RNF38: variants seen among roughly 807,000 people sequenced by gnomAD.
The protein encoded by RNF38 is E3 ubiquitin-protein ligase RNF38.
Under a neutral mutation model 67.2 loss-of-function variants are expected in RNF38, and 15 were observed. The ratio of observed to expected loss-of-function variants is 0.22; its 90% CI spans 0.15 to 0.34. The LOEUF (loss-of-function observed/expected upper bound fraction) is 0.34. RNF38 is among the 10% of genes least tolerant of loss of function. The pLI is 1.00. For missense variants in RNF38, 524 were observed against 639.9 expected (o/e 0.82, Z 1.95); for synonymous variants, 220 against 218.8 (o/e 1.01, Z -0.05).
intron 1 of RNF38, among the ~76,000 whole-genome samples, chr9:36,396,411 A>AT (rs147218116): frequency 2.5e-4 from 37 of 148,368 alleles, no homozygotes; most frequent in Admixed American, 4.0e-4. Context: ...CCTTGCTAGG[A>AT]TTTTTTTTTT....
intron 4 of RNF38, among the ~76,000 whole-genome samples, chr9:36,369,355 G>T (rs1835204209): frequency 6.6e-6 from 1 of 151,876 alleles, no homozygotes; most frequent in Admixed American, 6.6e-5. Context: ...GCATCAACTG[G>T]GATCATAAAC....
chr9:36,444,473 A>G (rs1839258535), intron 1 of RNF38, among the ~76,000 whole-genome samples: 1 of 152,204 alleles, frequency 6.6e-6, no homozygotes, highest in African/African-American at 2.4e-5. Context: ...AGCTGAAGAA[A>G]AATAAGAGTG....
chr9:36,390,792 C>A (rs1837021966), intron 1 of RNF38, among the ~76,000 whole-genome samples, 176 bp from the exon 2 acceptor site: 1 of 152,298 alleles, frequency 6.6e-6, no homozygotes, highest in South Asian at 2.1e-4. Context: ...AAGGTTGCCT[C>A]TGGCAATGGA....
intron 3 of RNF38, among the ~76,000 whole-genome samples, chr9:36,375,610 A>ATAT (rs1216788391): frequency 6.6e-6 from 1 of 152,254 alleles, no homozygotes; most frequent in East Asian, 1.9e-4. Context: ...ATATCCTTAC[A>ATAT]GTTATGAACT....
At position 36,423,745 on chromosome 9, in the gene RNF38, C is replaced by G. The variant is rs1473605357; in HGVS notation, n.312+868G>C. ...CGGGCGGATCACGAGGTCAGGAAAT[C>G]GAGACCATCCTGGCTAACACGGTGA... On this transcript the variant is annotated intron_variant and non_coding_transcript_variant, in intron 2 of 3. Transcript: ENST00000488058. Among the ~76,000 whole-genome samples, 12 of 94,090 alleles carry G rather than the reference C, an allele frequency of 1.3e-4. 2 individuals are homozygous for G. Among genetic ancestry groups the G allele is most frequent in the Non-Finnish European group, 3.1e-4 (12 of 38,998 alleles). 61.7% of individuals were successfully genotyped at this position (94,090 alleles called of 152,430 possible).
intron 1 of RNF38, among the ~76,000 whole-genome samples, chr9:36,480,113 G>C (rs1348679794): frequency 3.3e-5 from 5 of 151,834 alleles, no homozygotes; most frequent in African/African-American, 9.7e-5. Flanking sequence ...CGAGTAGCTG[G>C]GCCTACAGGT....
At chr9:36,473,418 TTTC>T (rs1229339015) in intron 1 of RNF38, among the ~76,000 whole-genome samples, 5 of 151,522 alleles carry the variant, frequency 3.3e-5, no homozygotes, top group Non-Finnish European at 5.9e-5. Flanking sequence ...TAAAATCTCG[TTTC>T]TACTAAAATA....
Position 36,353,207 on chromosome 9 carries a change from G to A in RNF38, c.1034C>T (p.Thr345Ile), listed in dbSNP as rs1327944409. Residue 345 changes from threonine (T) to isoleucine (I), a missense_variant, in exon 7 of 12, where the codon ACA becomes ATA. Thr to Ile is a moderately conservative substitution (Grantham distance 89, BLOSUM62 -1). This residue lies in a region of RNF38 where 461 missense variants were observed against 517.4 expected (regional missense o/e 0.89). Coordinates refer to ENST00000259605, the MANE Select transcript of RNF38 (RefSeq NM_022781.5). ...LPPSAPLQFL[T>I]HDPLHQEVSF... is the part of the protein sequence containing the mutation. The stretch of plus-strand genomic sequence containing the variant: ...CACCTCCTGATGCAAAGGATCATGT[G>A]TTAAGAACTGCAAGGGAGCTGATGG... 1.2e-6 allele frequency: 2 copies of A among 1,613,932 alleles called. No homozygotes were observed. Among genetic ancestry groups the A allele is most frequent in the African/African-American group, 2.7e-5 (2 of 74,912 alleles).
chr9:36,472,033 C>T (rs1840010013), intron 1 of RNF38, among the ~76,000 whole-genome samples: 1 of 151,954 alleles, frequency 6.6e-6, no homozygotes, highest in Admixed American at 6.6e-5. Flanking sequence ...TTTAAAAAAA[C>T]AATTTTAAAA....
At chr9:36,459,578 G>C (rs945727663) in intron 1 of RNF38, among the ~76,000 whole-genome samples, 1 of 152,078 alleles carries the variant, frequency 6.6e-6, no homozygotes, top group Non-Finnish European at 1.5e-5. Context: ...GAATTACTTT[G>C]TATTTAACAC....
intron 2 of RNF38, among the ~76,000 whole-genome samples, chr9:36,411,888 G>A (rs1021798573): frequency 6.6e-6 from 1 of 152,016 alleles, no homozygotes; most frequent in South Asian, 2.1e-4. Flanking sequence ...AGTATTATTC[G>A]CCTTATAAAG....
chr9:36,406,460 C>A (rs553892428), intron 2 of RNF38, among the ~76,000 whole-genome samples: 1 of 152,336 alleles, frequency 6.6e-6, no homozygotes, highest in East Asian at 1.9e-4. Flanking sequence ...CAACCTCAAT[C>A]TCTATTGCCG....
rs147962768 is a variant in RNF38, at chr9:36,443,390, C to T, written n.242-18707G>A. On this transcript the variant is annotated intron_variant and non_coding_transcript_variant, in intron 1 of 3. Coordinates refer to the RNF38 transcript ENST00000488058. ...TAAACCTCAAAGACCGATTTTCACA[C>T]GAAGATATTAAAGCAATGGCTGAAA... Among the ~76,000 whole-genome samples, 7 of 152,026 alleles carry T rather than the reference C, an allele frequency of 4.6e-5. No homozygotes were observed. The East Asian group carries it at 1.2e-3, about 25-fold the overall frequency.
intron 1 of RNF38, among the ~76,000 whole-genome samples, chr9:36,442,888 T>C (rs1321320645): frequency 6.6e-6 from 1 of 152,210 alleles, no homozygotes; most frequent in African/African-American, 2.4e-5. Context: ...AATTTGCAGC[T>C]TCCAAGAATA....
intron 2 of RNF38, among the ~76,000 whole-genome samples, chr9:36,385,197 C>T (rs906660040): frequency 1.3e-5 from 2 of 151,598 alleles, no homozygotes; most frequent in Non-Finnish European, 2.9e-5. Context: ...TACACAAGAA[C>T]AAGGAACCAT....
At chr9:36,399,540 T>C (rs1163635820) in intron 1 of RNF38, among the ~76,000 whole-genome samples, 1 of 147,318 alleles carries the variant, frequency 6.8e-6, no homozygotes, top group African/African-American at 2.5e-5. Context: ...TATAAATATA[T>C]ATTTATAAAC....
At position 36,339,644 on chromosome 9, in the gene RNF38, C is replaced by T. The variant is rs934842682; in HGVS notation, c.*108G>A. On this transcript the variant is annotated 3_prime_UTR_variant, in exon 12 of 12. Coordinates refer to ENST00000259605, the MANE Select transcript of RNF38 (RefSeq NM_022781.5). The stretch of plus-strand genomic sequence containing the variant: ...ACAGTGCAAAGAAAGGTCCATTGAC[C>T]CTTTTGGTAAAGGGAGGGCTGGAAG... 7.3e-6 allele frequency: 6 copies of T among 821,304 alleles called. No individual in the cohort carries two copies. The highest frequency in any genetic ancestry group is 1.2e-5 in the Non-Finnish European group (6 of 486,250). The allele number at this position is 821,304 out of a possible 1,614,324, so 50.9% of individuals were successfully genotyped here.
intron 1 of RNF38, among the ~76,000 whole-genome samples, chr9:36,395,824 C>T (rs1837472073): frequency 6.6e-6 from 1 of 152,038 alleles, no homozygotes; most frequent in South Asian, 2.1e-4. Flanking sequence ...CAAATACTTG[C>T]TAAGTAAAAT....
At chr9:36,371,235 C>A (rs919572221) in intron 3 of RNF38, among the ~76,000 whole-genome samples, 1 of 152,154 alleles carries the variant, frequency 6.6e-6, no homozygotes, top group Admixed American at 6.5e-5. Context: ...TCTTCTTACT[C>A]CTAATTCTCC....
Sources: gnomAD v4.1 joint callset for allele counts (sites outside exome capture counted in the v4.1 genomes callset) on GRCh38, gnomAD v4.1.1 for gene constraint, gnomAD v4.1.1 regional missense constraint, MANE v1.5 for transcripts, NCBI Gene and HGNC (gene_info 2026-07-23, HGNC 2026-07-21) for gene names.